NRG1: variants seen among roughly 807,000 people sequenced by gnomAD.
NRG1 encodes the protein pro-neuregulin-1, membrane-bound isoform.
Under a neutral mutation model 63.8 loss-of-function variants are expected in NRG1, and 18 were observed. That is an observed-to-expected ratio of 0.28 (90% confidence interval 0.19 to 0.42). The LOEUF (loss-of-function observed/expected upper bound fraction) is 0.42. NRG1 is among the 10% of genes least tolerant of loss of function. The pLI is 1.00. For missense variants in NRG1, 762 were observed against 814.7 expected (o/e 0.94, Z 0.79); for synonymous variants, 302 against 301.3 (o/e 1.00, Z -0.02).
chr8:32,541,205 A>G (rs1217557426), intron 1 of NRG1, among the ~76,000 whole-genome samples: 2 of 152,166 alleles, frequency 1.3e-5, no homozygotes, highest in Non-Finnish European at 2.9e-5. Context: ...TCGAAACTAA[A>G]AATCCCTAGT....
chr8:32,289,416 G>A (rs1853932214), intron 1 of NRG1, among the ~76,000 whole-genome samples: 1 of 151,456 alleles, frequency 6.6e-6, no homozygotes, highest in African/African-American at 2.4e-5. Context: ...AAGGACAAAT[G>A]AGGGCAGTGT....
chr8:32,097,605 T>A (rs1387574236), intron 1 of NRG1, among the ~76,000 whole-genome samples: 5 of 152,136 alleles, frequency 3.3e-5, no homozygotes, highest in Admixed American at 3.3e-4. Context: ...AGGAAAGAGA[T>A]GACATTGGGT....
intron 1 of NRG1, among the ~76,000 whole-genome samples, chr8:32,035,960 T>C (rs1025802024): frequency 2.6e-5 from 4 of 152,214 alleles, no homozygotes; most frequent in Non-Finnish European, 5.9e-5. Flanking sequence ...TGTGTGAATT[T>C]GATCCTGTCA....
intron 1 of NRG1, among the ~76,000 whole-genome samples, chr8:31,665,978 C>T (rs1316472995): frequency 6.6e-6 from 1 of 152,128 alleles, no homozygotes; most frequent in Non-Finnish European, 1.5e-5. Flanking sequence ...AACAAAGCCA[C>T]GTTGTTCACG....
At chr8:32,623,917 C>T (rs999506718) in intron 5 of NRG1, among the ~76,000 whole-genome samples, 10 of 152,054 alleles carry the variant, frequency 6.6e-5, no homozygotes, top group African/African-American at 2.2e-4. Context: ...TAACGCTTTA[C>T]AGAATTATTC....
chr8:32,014,236 T>C lies in NRG1; in HGVS notation c.37+374805T>C, dbSNP rs193219399. 2.1e-3 allele frequency among the ~76,000 whole-genome samples: 322 copies of C among 152,226 alleles called. 1 individual carries two copies. Among genetic ancestry groups the C allele is most frequent in the African/African-American group, 7.3e-3 (304 of 41,560 alleles). ...TGTCCTCTTTTATTTCCTTGAGCAG[T>C]GGTTTGTAGTTCTCCTTGAAGAGGT... On this transcript the variant is annotated intron_variant, in intron 1 of 10. Transcript: ENST00000519301.
At chr8:31,698,303 G>A (rs1157651594) in intron 1 of NRG1, among the ~76,000 whole-genome samples, 1 of 152,168 alleles carries the variant, frequency 6.6e-6, no homozygotes, top group African/African-American at 2.4e-5. Flanking sequence ...GACACACACA[G>A]TTTCTCTCAT....
Position 31,665,653 on chromosome 8 carries a change from G to A in NRG1, c.37+26222G>A, listed in dbSNP as rs983476484. Among the ~76,000 whole-genome samples, 7 of 152,156 alleles carry A rather than the reference G, an allele frequency of 4.6e-5. No individual in the cohort carries two copies. The South Asian group carries it at 6.2e-4, about 13-fold the overall frequency. On this transcript the variant is annotated intron_variant, in intron 1 of 10. Coordinates refer to the NRG1 transcript ENST00000519301. ...CTGCATCTGAAAATCAGTGATTTAC[G>A]TAGTCAACCTTTATGAAAGTTTTCT...
At chr8:31,850,491 G>T (rs1827109759) in intron 1 of NRG1, among the ~76,000 whole-genome samples, 1 of 152,140 alleles carries the variant, frequency 6.6e-6, no homozygotes, top group Non-Finnish European at 1.5e-5. Context: ...ATAAAAAATT[G>T]AACCAGATTT....
chr8:32,647,627 C>G lies in NRG1; in HGVS notation c.502+30742C>G, dbSNP rs569254409. The G allele has an allele frequency of 1.5e-4, 220 of 1,470,928 alleles. No individual in the cohort carries two copies. In the African/African-American group the frequency reaches 2.6e-3, roughly 17 times the overall value. The allele number at this position is 1,470,928 out of a possible 1,614,324, so 91.1% of individuals were successfully genotyped here. A position where few individuals can be genotyped will look rare whatever the true frequency, so the allele number is the denominator to read the frequency against. ...TGGACTTGGACGATTTATCGATTTC[C>G]CCCTGTAAGATGCTGTATCATTTGG... On this transcript the variant is annotated intron_variant, in intron 5 of 11. Coordinates refer to ENST00000356819, the Ensembl canonical transcript of NRG1.
At chr8:31,818,718 G>A (rs1348419931) in intron 1 of NRG1, among the ~76,000 whole-genome samples, 3 of 152,100 alleles carry the variant, frequency 2.0e-5, no homozygotes, top group Admixed American at 6.6e-5. Flanking sequence ...ACCATTCACC[G>A]GTACCAGTCA....
At chr8:31,830,888 G>T (rs1029503637) in intron 1 of NRG1, among the ~76,000 whole-genome samples, 2 of 152,014 alleles carry the variant, frequency 1.3e-5, no homozygotes, top group Non-Finnish European at 2.9e-5. Context: ...CTCAGTCTCA[G>T]CCCCTCCCCC....
intron 5 of NRG1, among the ~76,000 whole-genome samples, chr8:32,632,110 A>G (rs943076670): frequency 6.6e-6 from 1 of 152,204 alleles, no homozygotes; most frequent in African/African-American, 2.4e-5. Flanking sequence ...TTTATTTTTG[A>G]GCATCAGAGA....
intron 1 of NRG1, among the ~76,000 whole-genome samples, chr8:32,423,560 G>A (rs1393680352): frequency 6.6e-6 from 1 of 152,074 alleles, no homozygotes; most frequent in African/African-American, 2.4e-5. Flanking sequence ...TGGGAGGATT[G>A]CTTGAGCCCC....
intron 1 of NRG1, among the ~76,000 whole-genome samples, chr8:32,116,926 G>C (rs1200012869): frequency 7.3e-6 from 1 of 137,350 alleles, no homozygotes; most frequent in Non-Finnish European, 1.5e-5. Flanking sequence ...ATGATTGTTA[G>C]AGCCCAGGAG....
At chr8:32,237,409 G>A (rs746622611) in intron 1 of NRG1, among the ~76,000 whole-genome samples, 2 of 151,456 alleles carry the variant, frequency 1.3e-5, no homozygotes, top group Non-Finnish European at 2.9e-5. Flanking sequence ...TTTTTTTTCT[G>A]GGTCCATTTT....
chr8:31,712,765 T>C (rs1054212147), intron 1 of NRG1, among the ~76,000 whole-genome samples: 2 of 152,274 alleles, frequency 1.3e-5, no homozygotes, highest in East Asian at 3.9e-4. Context: ...CAATACTGAA[T>C]GAATTGGGTC....
intron 1 of NRG1, among the ~76,000 whole-genome samples, chr8:31,859,127 A>C (rs944646625): frequency 2.6e-5 from 4 of 152,208 alleles, no homozygotes; most frequent in Non-Finnish European, 5.9e-5. Flanking sequence ...AAAATTCATG[A>C]TCTAAAACCG....
intron 1 of NRG1, among the ~76,000 whole-genome samples, chr8:31,809,638 A>T (rs995150521): frequency 2.0e-5 from 3 of 150,816 alleles, no homozygotes; most frequent in African/African-American, 7.3e-5. Flanking sequence ...GTTTCTTTTT[A>T]TAAAATGCCA....
Sources: allele counts gnomAD v4.1 joint callset (sites outside exome capture counted in the v4.1 genomes callset), GRCh38; gene constraint gnomAD v4.1.1; transcripts MANE v1.5; gene names NCBI Gene and HGNC (gene_info 2026-07-23, HGNC 2026-07-21).